GRIP1: variants seen among roughly 807,000 people sequenced by gnomAD.
GRIP1 encodes glutamate receptor-interacting protein 1.
A neutral mutation model predicts 129.9 loss-of-function variants in GRIP1; 45 were observed. That is an observed-to-expected ratio of 0.35 (90% CI 0.27 to 0.44). The LOEUF (loss-of-function observed/expected upper bound fraction) is 0.44, where lower values mean the gene tolerates loss of function less well. Ranked by LOEUF, GRIP1 falls within the 20% of genes least tolerant of loss-of-function variation. The pLI is 1.00. For synonymous variants in GRIP1, 530 were observed against 520.8 expected, an observed-to-expected ratio of 1.02 and a Z score of -0.24; for missense variants, 1,196 against 1,396.8, an observed-to-expected ratio of 0.86 and a Z score of 2.29.
intron 7 of GRIP1, among the ~76,000 whole-genome samples, chr12:66,466,664 T>C (rs1295014189): frequency 6.6e-6 from 1 of 152,238 alleles, no homozygotes; most frequent in Non-Finnish European, 1.5e-5. Flanking sequence ...CCACAGTGTT[T>C]ATTAAAACCA....
intron 16 of GRIP1, among the ~76,000 whole-genome samples, chr12:66,396,448 C>T (rs2056791825): frequency 6.6e-6 from 1 of 152,192 alleles, no homozygotes; most frequent in Non-Finnish European, 1.5e-5. Context: ...CTACTCAGCT[C>T]ATTCTGCAGA....
In GRIP1 at chr12:66,528,134, G is replaced by GTTTTTTTTT. The variant is rs59443918; in HGVS notation, c.502+1688_502+1696dup. Among the ~76,000 whole-genome samples the GTTTTTTTTT allele has an allele frequency of 6.2e-4, 62 of 99,242 alleles. 1 individual carries two copies. The highest frequency in any genetic ancestry group is 2.1e-3 in the East Asian group (6 of 2,804). The allele number at this position is 99,242 out of a possible 152,430, so 65.1% of individuals were successfully genotyped here. ...TAGAATTATACTTTAGAATTAGTAG[G>GTTTTTTTTT]TTTTTTTTTTTTTTTTTTGAGATGG... On this transcript the variant is annotated intron_variant, in intron 5 of 24. Coordinates refer to ENST00000359742, the MANE Select transcript of GRIP1 (RefSeq NM_001366722.1).
intron 1 of GRIP1, among the ~76,000 whole-genome samples, chr12:66,876,700 G>C (rs982826564): frequency 6.6e-6 from 1 of 151,954 alleles, no homozygotes; most frequent in Non-Finnish European, 1.5e-5. Flanking sequence ...TGCACAACTG[G>C]GGCAGCAACC....
chr12:66,782,344 T>A, intron 1 of GRIP1, among the ~76,000 whole-genome samples: 1 of 152,174 alleles, frequency 6.6e-6, no homozygotes, highest in Non-Finnish European at 1.5e-5. Flanking sequence ...CAGTTAGTGT[T>A]CACACAGTAG....
At chr12:66,764,718 T>G (rs60791637) in intron 1 of GRIP1, among the ~76,000 whole-genome samples, 7,853 of 152,206 alleles carry the variant, frequency 0.052, 388 homozygotes, top group East Asian at 0.18. Context: ...TTTCTTATAT[T>G]TTTTCCTGTT....
intron 1 of GRIP1, among the ~76,000 whole-genome samples, chr12:66,963,256 A>G (rs935332382): frequency 3.3e-5 from 5 of 152,194 alleles, no homozygotes. Flanking sequence ...TCAAGGCTGC[A>G]GTGAGCCATG....
intron 7 of GRIP1, among the ~76,000 whole-genome samples, chr12:66,476,868 G>A (rs935677326): frequency 3.9e-5 from 6 of 152,120 alleles, no homozygotes; most frequent in South Asian, 2.1e-4. Context: ...GGTATTGATG[G>A]GACGTATCTA....
At chr12:66,969,091 T>C (rs927713026) in intron 1 of GRIP1, among the ~76,000 whole-genome samples, 5 of 152,180 alleles carry the variant, frequency 3.3e-5, no homozygotes, top group African/African-American at 1.2e-4. Flanking sequence ...GTAATTCTTA[T>C]TCTTGTTTCT....
intron 1 of GRIP1, among the ~76,000 whole-genome samples, chr12:66,677,393 T>C (rs945898415): frequency 6.6e-6 from 1 of 152,154 alleles, no homozygotes; most frequent in Non-Finnish European, 1.5e-5. Flanking sequence ...AAGAAGACCA[T>C]CAACTTCTCA....
intron 1 of GRIP1, among the ~76,000 whole-genome samples, chr12:66,839,468 A>G (rs1237398606): frequency 6.6e-6 from 1 of 152,196 alleles, no homozygotes; most frequent in Non-Finnish European, 1.5e-5. Flanking sequence ...TTTATTTTAT[A>G]ATTTGCATAC....
At chr12:66,381,034 C>T (rs953020059) in intron 19 of GRIP1, among the ~76,000 whole-genome samples, 5 of 152,104 alleles carry the variant, frequency 3.3e-5, no homozygotes, top group Non-Finnish European at 5.9e-5. Flanking sequence ...CACCTGTTGT[C>T]GAAGCCTCTA....
At chr12:66,952,259 G>A (rs1005320181) in intron 1 of GRIP1, among the ~76,000 whole-genome samples, 16 of 152,238 alleles carry the variant, frequency 1.1e-4, no homozygotes, top group African/African-American at 3.6e-4. Flanking sequence ...AGAAGAGCCA[G>A]TTTCAAGAAG....
At chr12:66,693,330 A>G (rs7312022) in intron 1 of GRIP1, among the ~76,000 whole-genome samples, 2,978 of 152,232 alleles carry the variant, frequency 0.02, 101 homozygotes, top group African/African-American at 0.068. Context: ...GGGTTTGTGG[A>G]TTCTCTTTAA....
chr12:66,367,103 T>C (rs1425446193), intron 23 of GRIP1, among the ~76,000 whole-genome samples: 1 of 152,098 alleles, frequency 6.6e-6, no homozygotes. Flanking sequence ...CAGAAACAGA[T>C]TAAGTGGACA....
chr12:66,715,032 T>G (rs1357064328), intron 1 of GRIP1, among the ~76,000 whole-genome samples: 2 of 152,020 alleles, frequency 1.3e-5, no homozygotes, highest in Non-Finnish European at 2.9e-5. Flanking sequence ...TACAACTCCC[T>G]TCTCCTTCCT....
At chr12:66,918,359 CCCA>C (rs2041160948) in intron 1 of GRIP1, among the ~76,000 whole-genome samples, 1 of 152,260 alleles carries the variant, frequency 6.6e-6, no homozygotes, top group African/African-American at 2.4e-5. Flanking sequence ...TTGGATGAAG[CCCA>C]CCACATTAGG....
chr12:66,454,301 T>C (rs1474642804), intron 11 of GRIP1, among the ~76,000 whole-genome samples: 1 of 152,212 alleles, frequency 6.6e-6, no homozygotes, highest in Non-Finnish European at 1.5e-5. Context: ...AGCTGTGAAG[T>C]ATCTGGCTTT....
chr12:66,791,310 AG>A (rs2038526829), intron 1 of GRIP1, among the ~76,000 whole-genome samples: 1 of 152,152 alleles, frequency 6.6e-6, no homozygotes, highest in Admixed American at 6.6e-5. Flanking sequence ...TCCGGATGGG[AG>A]GAGCAGACTG....
intron 1 of GRIP1, among the ~76,000 whole-genome samples, chr12:66,800,061 T>C (rs1001399352): frequency 7.2e-5 from 11 of 152,176 alleles, no homozygotes; most frequent in Non-Finnish European, 1.6e-4. Context: ...TAGCTAACAA[T>C]GATTTCATAC....
Sources: allele counts gnomAD v4.1 joint callset (sites outside exome capture counted in the v4.1 genomes callset), GRCh38; gene constraint gnomAD v4.1.1; transcripts MANE v1.5; gene names NCBI Gene and HGNC (gene_info 2026-07-23, HGNC 2026-07-21).